The following CSGALNACT1 variants were observed in gnomAD, a reference collection of about 807,000 sequenced individuals.
CSGALNACT1 encodes beta4GalNAcT-1.
In CSGALNACT1, 52 loss-of-function variants were observed where a neutral mutation model predicts 51.0. That is an observed-to-expected ratio of 1.02 (90% CI 0.82 to 1.29). The LOEUF is 1.29. CSGALNACT1 is among the 50% of genes most tolerant of loss of function. The pLI, the probability that CSGALNACT1 is intolerant of heterozygous loss-of-function variation, is 0.00. For missense variants in CSGALNACT1, 935 were observed against 679.2 expected, an observed-to-expected ratio of 1.38 and a Z score of -4.19; for synonymous variants, 341 against 254.4, an observed-to-expected ratio of 1.34 and a Z score of -3.24.
At chr8:19,604,473 A>C (rs1316955130), upstream of CSGALNACT1, among the ~76,000 whole-genome samples, 1 of 152,224 alleles carries the variant, frequency 6.6e-6, no homozygotes, top group Admixed American at 6.5e-5. Flanking sequence ...TAAGTAACCT[A>C]CTAGGCTCAT....
chr8:19,733,134 C>T (rs2063778517), intron 1 of CSGALNACT1, among the ~76,000 whole-genome samples: 2 of 152,146 alleles, frequency 1.3e-5, no homozygotes, highest in African/African-American at 4.8e-5. Context: ...GTGAAAAGAA[C>T]AATCAGTATC....
At chr8:19,414,133 A>G (rs1184756308) in intron 8 of CSGALNACT1, among the ~76,000 whole-genome samples, 1 of 152,192 alleles carries the variant, frequency 6.6e-6, no homozygotes, top group Non-Finnish European at 1.5e-5. Context: ...GGAAATTGGC[A>G]AATGCTATAA....
chr8:19,591,537 C>G (rs989571204), intron 2 of CSGALNACT1, among the ~76,000 whole-genome samples: 1 of 152,164 alleles, frequency 6.6e-6, no homozygotes, highest in Non-Finnish European at 1.5e-5. Context: ...TAGGTAGGAA[C>G]TTTGGCTACA....
At chr8:19,668,427 A>G (rs2059551458) in intron 1 of CSGALNACT1, among the ~76,000 whole-genome samples, 1 of 152,242 alleles carries the variant, frequency 6.6e-6, no homozygotes. Flanking sequence ...TTTAAAAACT[A>G]AAAAATTATT....
chr8:19,599,511 A>AGAAAGAAG (rs1564211488), intron 2 of CSGALNACT1, among the ~76,000 whole-genome samples: 1 of 150,788 alleles, frequency 6.6e-6, no homozygotes, highest in Non-Finnish European at 1.5e-5. Context: ...AAAGAAAGAA[A>AGAAAGAAG]GAAAGAAAGA....
chr8:19,475,145 G>A (rs1360054974), intron 4 of CSGALNACT1, among the ~76,000 whole-genome samples: 1 of 152,152 alleles, frequency 6.6e-6, no homozygotes, highest in Non-Finnish European at 1.5e-5. Context: ...CACTTAACAG[G>A]GGTTGGATGA....
chr8:19,686,168 C>G (rs6586857), upstream of CSGALNACT1, among the ~76,000 whole-genome samples: 135,589 of 152,134 alleles, frequency 0.89, 60,665 homozygotes, highest in African/African-American at 0.97. Context: ...CTCCAGCCAG[C>G]GGACTGACAA....
chr8:19,604,133 A>C (rs2051007153), upstream of CSGALNACT1, among the ~76,000 whole-genome samples: 1 of 152,168 alleles, frequency 6.6e-6, no homozygotes, highest in South Asian at 2.1e-4. Context: ...GAGAAGAGTC[A>C]TCTCAAGCTA....
intron 1 of CSGALNACT1, among the ~76,000 whole-genome samples, chr8:19,610,491 C>A (rs908066706): frequency 6.6e-6 from 1 of 151,998 alleles, no homozygotes; most frequent in African/African-American, 2.4e-5. Context: ...GAGACCCCAG[C>A]AAGGCAGAGA....
chr8:19,474,284 C>G (rs1318416910), intron 4 of CSGALNACT1, among the ~76,000 whole-genome samples: 1 of 152,092 alleles, frequency 6.6e-6, no homozygotes, highest in Non-Finnish European at 1.5e-5. Context: ...TTTGTAGACC[C>G]AATTCTTCCT....
chr8:19,530,722 C>T (rs181389274), intron 3 of CSGALNACT1, among the ~76,000 whole-genome samples: 1 of 152,190 alleles, frequency 6.6e-6, no homozygotes, highest in African/African-American at 2.4e-5. Flanking sequence ...CAGAGCAAGA[C>T]CTTATCTCAT....
At chr8:19,607,690 C>T (rs2051588670) in intron 1 of CSGALNACT1, among the ~76,000 whole-genome samples, 1 of 152,164 alleles carries the variant, frequency 6.6e-6, no homozygotes, top group African/African-American at 2.4e-5. Context: ...TAATCCTGTC[C>T]AGAACACAAA....
At chr8:19,478,241 C>T (rs2070314665) in intron 4 of CSGALNACT1, among the ~76,000 whole-genome samples, 3 of 151,870 alleles carry the variant, frequency 2.0e-5, no homozygotes, top group South Asian at 2.1e-4. Context: ...GGTGAAACCC[C>T]GTCTCTACTA....
intron 4 of CSGALNACT1, among the ~76,000 whole-genome samples, chr8:19,484,829 G>A (rs143855974): frequency 0.01 from 1,546 of 152,180 alleles, 13 homozygotes; most frequent in Non-Finnish European, 0.014. Context: ...CAATCTGACC[G>A]GTGTCCTAAT....
chr8:19,545,527 T>C (rs943895967), intron 3 of CSGALNACT1, among the ~76,000 whole-genome samples: 6 of 152,260 alleles, frequency 3.9e-5, no homozygotes, highest in Admixed American at 3.9e-4. Context: ...AGTGTCCTGA[T>C]AGCAAAGACT....
chr8:19,670,023 C>T (rs918417777), intron 1 of CSGALNACT1, among the ~76,000 whole-genome samples: 4 of 152,112 alleles, frequency 2.6e-5, no homozygotes. Flanking sequence ...TCAATTATCC[C>T]AGGTCTACCT....
chr8:19,411,498 A>T (rs191689740), intron 8 of CSGALNACT1, among the ~76,000 whole-genome samples: 5 of 152,220 alleles, frequency 3.3e-5, no homozygotes, highest in Admixed American at 1.3e-4. Context: ...AAGCCAGTGG[A>T]AACAGACACG....
intron 4 of CSGALNACT1, among the ~76,000 whole-genome samples, chr8:19,483,182 T>C (rs916570937): frequency 6.6e-6 from 1 of 152,236 alleles, no homozygotes; most frequent in Non-Finnish European, 1.5e-5. Flanking sequence ...AACAGCTCTT[T>C]GTCCCTCTAG....
chr8:19,457,654 T>G, intron 5 of CSGALNACT1: 1 of 1,287,418 alleles, frequency 7.8e-7, no homozygotes, highest in South Asian at 1.2e-5. Flanking sequence ...TTTCAAGATT[T>G]ATAATTAGAC....
Sources: allele counts gnomAD v4.1 joint callset (sites outside exome capture counted in the v4.1 genomes callset), GRCh38; gene constraint gnomAD v4.1.1; transcripts MANE v1.5; gene names NCBI Gene and HGNC (gene_info 2026-07-23, HGNC 2026-07-21).